GRM5: variants seen among roughly 807,000 people sequenced by gnomAD.
The protein encoded by GRM5 is glutamate metabotropic receptor 5.
Under a neutral mutation model 83.1 loss-of-function variants are expected in GRM5, and 19 were observed. That is an observed-to-expected ratio of 0.23 (90% confidence interval 0.16 to 0.34). GRM5 has a LOEUF of 0.34. Ranked by LOEUF, GRM5 falls within the 10% of genes least tolerant of loss-of-function variation. The pLI is 1.00. For missense variants in GRM5, 1,160 were observed against 1,588.3 expected, an observed-to-expected ratio of 0.73 and a Z score of 4.58; for synonymous variants, 675 against 633.6, an observed-to-expected ratio of 1.07 and a Z score of -0.98.
intron 3 of GRM5, among the ~76,000 whole-genome samples, chr11:88,816,043 C>A (rs1378364235): frequency 6.9e-6 from 1 of 145,564 alleles, no homozygotes; most frequent in Non-Finnish European, 1.5e-5. Flanking sequence ...GAAACCCCGT[C>A]TCTACTAAAA....
chr11:88,787,929 C>G (rs1263621776), intron 3 of GRM5, among the ~76,000 whole-genome samples: 1 of 152,108 alleles, frequency 6.6e-6, no homozygotes, highest in Non-Finnish European at 1.5e-5. Context: ...GTAGGCAGGT[C>G]AATACATAGG....
At chr11:88,670,304 T>C (rs1262618817) in intron 3 of GRM5, among the ~76,000 whole-genome samples, 3 of 151,878 alleles carry the variant, frequency 2.0e-5, no homozygotes, top group Non-Finnish European at 4.4e-5. Context: ...TTGATAATAA[T>C]AAAAGGAGAT....
intron 2 of GRM5, among the ~76,000 whole-genome samples, chr11:88,950,246 T>C (rs1176482085): frequency 1.3e-5 from 2 of 152,084 alleles, no homozygotes; most frequent in Admixed American, 6.5e-5. Flanking sequence ...TATCTGTGTT[T>C]AGAAAAATAC....
At chr11:88,969,834 A>G (rs1939113153) in intron 2 of GRM5, among the ~76,000 whole-genome samples, 1 of 152,150 alleles carries the variant, frequency 6.6e-6, no homozygotes. Context: ...ATAGCTTTAT[A>G]TTTCCATGAC....
intron 2 of GRM5, among the ~76,000 whole-genome samples, chr11:89,016,819 A>G (rs1591050830): frequency 6.6e-6 from 1 of 152,294 alleles, no homozygotes; most frequent in Non-Finnish European, 1.5e-5. Flanking sequence ...TAAAACAGTC[A>G]GGAAGATATT....
intron 4 of GRM5, among the ~76,000 whole-genome samples, chr11:88,640,992 G>A (rs1331093715): frequency 6.6e-6 from 1 of 152,118 alleles, no homozygotes; most frequent in Non-Finnish European, 1.5e-5. Flanking sequence ...TTCTTGAATT[G>A]CTATAAAGAA....
intron 3 of GRM5, among the ~76,000 whole-genome samples, chr11:88,729,782 G>T (rs1257912532): frequency 6.6e-6 from 1 of 152,112 alleles, no homozygotes; most frequent in East Asian, 1.9e-4. Context: ...AATGGGGAAA[G>T]GATCTCCTAT....
chr11:88,759,201 T>C (rs1424194697), intron 3 of GRM5, among the ~76,000 whole-genome samples: 2 of 152,060 alleles, frequency 1.3e-5, no homozygotes, highest in Non-Finnish European at 2.9e-5. Context: ...AACATCATGA[T>C]GACAAGATCA....
intron 3 of GRM5, among the ~76,000 whole-genome samples, chr11:88,723,151 T>A (rs990384268): frequency 1.3e-5 from 2 of 152,064 alleles, no homozygotes; most frequent in African/African-American, 4.8e-5. Flanking sequence ...GATTGGCTTT[T>A]TTTTTTTCTC....
intron 2 of GRM5, among the ~76,000 whole-genome samples, chr11:88,887,580 G>A (rs1242598744): frequency 6.6e-6 from 1 of 152,098 alleles, no homozygotes; most frequent in East Asian, 1.9e-4. Flanking sequence ...TGCAACTATG[G>A]GTGGCATGTT....
At chr11:88,713,599 G>T (rs553363426) in intron 3 of GRM5, among the ~76,000 whole-genome samples, 5 of 152,088 alleles carry the variant, frequency 3.3e-5, no homozygotes, top group African/African-American at 9.6e-5. Context: ...CTCTCCCAGG[G>T]TGGAGGCATG....
At chr11:88,551,008 C>T (rs1276204236) in intron 8 of GRM5, among the ~76,000 whole-genome samples, 1 of 152,084 alleles carries the variant, frequency 6.6e-6, no homozygotes, top group African/African-American at 2.4e-5. Context: ...TGTTACCTGT[C>T]TCATGGGGTT....
intron 2 of GRM5, among the ~76,000 whole-genome samples, chr11:88,991,997 G>A (rs1309484250): frequency 6.6e-6 from 1 of 152,062 alleles, no homozygotes; most frequent in Admixed American, 6.5e-5. Flanking sequence ...GGCAACAAAA[G>A]ACAAAATTGA....
intron 2 of GRM5, among the ~76,000 whole-genome samples, chr11:89,038,562 C>T (rs1313700734): frequency 6.6e-6 from 1 of 152,190 alleles, no homozygotes; most frequent in African/African-American, 2.4e-5. Context: ...AAGAGGTCTT[C>T]TGTGAGGTCA....
At chr11:88,966,252 C>T (rs648832) in intron 2 of GRM5, among the ~76,000 whole-genome samples, 17,550 of 151,940 alleles carry the variant, frequency 0.12, 3,294 homozygotes, top group African/African-American at 0.39. Context: ...AGAGAGAATG[C>T]TATAGCATTA....
chr11:88,546,590 T>C (rs1277579757), intron 8 of GRM5, among the ~76,000 whole-genome samples: 2 of 152,104 alleles, frequency 1.3e-5, no homozygotes, highest in East Asian at 1.9e-4. Context: ...TACACATATA[T>C]ATGTTCATAG....
intron 3 of GRM5, among the ~76,000 whole-genome samples, chr11:88,713,496 G>A (rs1014926346): frequency 2.6e-5 from 4 of 151,976 alleles, no homozygotes; most frequent in African/African-American, 9.7e-5. Context: ...TATTAGGAAG[G>A]ACACACAAAG....
rs979926989 is a variant in GRM5 at position 88,504,756 on chromosome 11, C to A, written c.*3836G>T. On this transcript the variant is annotated 3_prime_UTR_variant, in exon 10 of 10. Coordinates refer to ENST00000305447, the MANE Select transcript of GRM5 (RefSeq NM_001143831.3). ...AATGTTAAACTTTATGAAAAAAAAT[C>A]ATTTGCAGTTCACATCAAAATAATT... 6.6e-6 allele frequency: 1 copy of A among 151,956 alleles called. No homozygotes were observed. The allele number at this position is 151,956 out of a possible 1,614,324, so 9.4% of individuals were successfully genotyped here.
At chr11:89,052,059 A>G (rs908697558) in intron 1 of GRM5, among the ~76,000 whole-genome samples, 20 of 152,210 alleles carry the variant, frequency 1.3e-4, no homozygotes, top group African/African-American at 4.3e-4. Flanking sequence ...TTTTGACAGC[A>G]TTAATACAGA....
Sources: allele counts gnomAD v4.1 joint callset (sites outside exome capture counted in the v4.1 genomes callset), GRCh38; gene constraint gnomAD v4.1.1; transcripts MANE v1.5; gene names NCBI Gene and HGNC (gene_info 2026-07-23, HGNC 2026-07-21).